ROCK1: variants seen among roughly 807,000 people sequenced by gnomAD.
ROCK1 encodes rho-associated protein kinase 1.
ROCK1 carries 36 observed loss-of-function variants against 196.8 expected under a neutral mutation model. That is an observed-to-expected ratio of 0.18 (90% confidence interval 0.14 to 0.24). The LOEUF (loss-of-function observed/expected upper bound fraction) is 0.24, where lower values mean the gene tolerates loss of function less well. Ranked by LOEUF, ROCK1 falls within the 10% of genes least tolerant of loss-of-function variation. The pLI, the probability that ROCK1 is intolerant of heterozygous loss-of-function variation, is 1.00. For synonymous variants in ROCK1, 443 were observed against 515.9 expected (o/e 0.86, Z 1.91); for missense variants, 920 against 1,562.0 (o/e 0.59, Z 6.93).
intron 12 of ROCK1, among the ~76,000 whole-genome samples, chr18:21,017,145 G>GTATAATTT (rs942160332): frequency 2.1e-5 from 3 of 140,576 alleles, no homozygotes; most frequent in African/African-American, 5.4e-5. Context: ...TGATATTCCT[G>GTATAATTT]TATAATTTTA....
At chr18:21,022,601 C>G (rs1421351838) in intron 11 of ROCK1, among the ~76,000 whole-genome samples, 1 of 152,122 alleles carries the variant, frequency 6.6e-6, no homozygotes, top group African/African-American at 2.4e-5. Context: ...TTTCCCTACA[C>G]CCTTTGTGCT....
At chr18:21,100,165 C>A (rs528056616) in intron 1 of ROCK1, among the ~76,000 whole-genome samples, 374 of 142,268 alleles carry the variant, frequency 2.6e-3, no homozygotes, top group Non-Finnish European at 4.0e-3. Flanking sequence ...AAAAAAAAAA[C>A]CTAAAATGAA....
In ROCK1 at chr18:21,006,450, T is replaced by C. The variant is rs2035769685; in HGVS notation, c.1786A>G (p.Lys596Glu). The C allele has an allele frequency of 1.2e-6, 2 of 1,613,746 alleles. No homozygotes were observed. Among genetic ancestry groups the C allele is most frequent in the Non-Finnish European group, 1.7e-6 (2 of 1,179,884 alleles). The part of the protein sequence containing the change: ...QERNRILENS[K>E]SQTDKDYYQL... ...TAATAATCTTTGTCTGTTTGTGACT[T>C]AGAATTCTCTAAAATTCGATTTCTC... The change falls in exon 16 of 33, where the codon AAG (lysine) becomes GAG (glutamate). Residue 596 changes from lysine to glutamate, a missense_variant. Around this residue, in one of 6 missense-constraint regions of ROCK1, gnomAD observed 520 missense variants for 657.1 expected, o/e 0.79. Transcript: ENST00000399799.
At chr18:21,013,162 G>A (rs977833581) in intron 13 of ROCK1, among the ~76,000 whole-genome samples, 4 of 152,176 alleles carry the variant, frequency 2.6e-5, no homozygotes, top group African/African-American at 4.8e-5. Context: ...TTCTGATTAT[G>A]ATGAGCAGTT....
intron 10 of ROCK1, among the ~76,000 whole-genome samples, chr18:21,024,119 T>C (rs1174505737): frequency 1.3e-5 from 2 of 152,186 alleles, no homozygotes; most frequent in Non-Finnish European, 2.9e-5. Flanking sequence ...TCTGCAGACA[T>C]ATGCATAACC....
At chr18:21,107,758 G>A (rs1157747969) in intron 1 of ROCK1, among the ~76,000 whole-genome samples, 2 of 152,122 alleles carry the variant, frequency 1.3e-5, no homozygotes, top group African/African-American at 2.4e-5. Context: ...GTCTCTAAAG[G>A]AAATTCAGTC....
chr18:21,094,582 G>GA (rs11420525), intron 1 of ROCK1, among the ~76,000 whole-genome samples: 145,974 of 149,216 alleles, frequency 0.98, 71,481 homozygotes, highest in Non-Finnish European at 1. Flanking sequence ...TACAAAAAAA[G>GA]AAAAAAAAAT....
At chr18:21,106,691 A>G (rs2036706115) in intron 1 of ROCK1, among the ~76,000 whole-genome samples, 1 of 152,212 alleles carries the variant, frequency 6.6e-6, no homozygotes, top group South Asian at 2.1e-4. Flanking sequence ...AGGACACTGG[A>G]AAGAATCTGA....
chr18:21,044,164 G>A lies in ROCK1; in HGVS notation c.613C>T (p.Leu205=). 6.2e-7 allele frequency: 1 copy of A among 1,611,590 alleles called. No individual in the cohort carries two copies. The highest frequency in any genetic ancestry group is 8.5e-7 in the Non-Finnish European group (1 of 1,178,858). ...TTCAAATGTCCAGATTTATCCAGCA[G>A]CATGTTATCAGGCTTCACATCTCTG... The part of the protein sequence containing the change: ...IHRDVKPDNM[L]LDKSGHLKLA... Residue 205 remains leucine, a synonymous_variant, in exon 6 of 33, where the codon CTG becomes TTG. Coordinates refer to ENST00000399799, the MANE Select transcript of ROCK1 (RefSeq NM_005406.3).
intron 9 of ROCK1, among the ~76,000 whole-genome samples, chr18:21,033,854 TAAAAAA>T (rs71269004): frequency 1.3e-3 from 43 of 33,458 alleles, no homozygotes; most frequent in South Asian, 0.01. Flanking sequence ...CCGTTTCTAC[TAAAAAA>T]AAAAAAAAAA....
chr18:20,959,139 TTA>T (rs1375524894), intron 29 of ROCK1, among the ~76,000 whole-genome samples: 4 of 62,652 alleles, frequency 6.4e-5, no homozygotes, highest in South Asian at 6.6e-4. Flanking sequence ...ATTATATATA[TTA>T]TATAAAATAT....
At position 20,953,674 on chromosome 18, in the gene ROCK1, G is replaced by A; in HGVS notation, c.3965C>T (p.Ser1322Phe). The stretch of plus-strand genomic sequence containing the variant: ...TCGAGGGGAAGCACGAACAAAACCA[G>A]ATGGTGGATTCTTAGGGATTTTCTT... Reference protein sequence around the residue: ...LVKKIPKNPPSGFVRASPRTL... With the variant: ...LVKKIPKNPPFGFVRASPRTL... The change falls in exon 32 of 33, where the codon TCT becomes TTT. Residue 1322 changes from serine to phenylalanine, a missense_variant. Physicochemically the swap from Ser to Phe is radical, Grantham distance 155. Coordinates refer to ENST00000399799, the MANE Select transcript of ROCK1 (RefSeq NM_005406.3). 2 of 1,610,624 alleles carry A rather than the reference G, an allele frequency of 1.2e-6. No individual in the cohort carries two copies. The highest frequency in any genetic ancestry group is 1.7e-6 in the Non-Finnish European group (2 of 1,179,212).
At chr18:21,107,915 G>A (rs1022948852) in intron 1 of ROCK1, among the ~76,000 whole-genome samples, 1 of 152,044 alleles carries the variant, frequency 6.6e-6, no homozygotes, top group South Asian at 2.1e-4. Context: ...TTAGCCAGGC[G>A]TGGTAGTGCA....
intron 13 of ROCK1, among the ~76,000 whole-genome samples, chr18:21,013,573 G>C (rs73959773): frequency 0.011 from 1,738 of 152,348 alleles, 38 homozygotes; most frequent in African/African-American, 0.039. Flanking sequence ...CTGCCAGCTG[G>C]AAGTGTAAGT....
Position 21,100,587 on chromosome 18 carries a change from A to T in ROCK1, c.93+10231T>A, listed in dbSNP as rs575514575. Among the ~76,000 whole-genome samples the T allele has an allele frequency of 6.8e-3, 971 of 142,670 alleles. 7 individuals are homozygous for T. The highest frequency in any genetic ancestry group is 0.022 in the African/African-American group (878 of 39,542). 93.6% of individuals were successfully genotyped at this position (142,670 alleles called of 152,430 possible). Reference sequence around the variant, plus strand: ...GTGTTTATAATGATGCCAAAAATTTAAAAAAAAAAAAAAGACTGAGAGCGA... The same window carrying T: ...GTGTTTATAATGATGCCAAAAATTTTAAAAAAAAAAAAAGACTGAGAGCGA... On this transcript the variant is annotated intron_variant, in intron 1 of 32. Transcript: ENST00000399799.
At chr18:21,028,346 G>A (rs2035978562) in intron 10 of ROCK1, among the ~76,000 whole-genome samples, 1 of 151,848 alleles carries the variant, frequency 6.6e-6, no homozygotes, top group Admixed American at 6.6e-5. Flanking sequence ...AACCCAGGAG[G>A]TGGAGGTTGC....
intron 22 of ROCK1, among the ~76,000 whole-genome samples, chr18:20,975,481 C>T (rs2035471659): frequency 6.6e-6 from 1 of 152,166 alleles, no homozygotes; most frequent in Admixed American, 6.5e-5. Flanking sequence ...AATACCTATT[C>T]TCATCTCTAT....
intron 1 of ROCK1, among the ~76,000 whole-genome samples, chr18:21,107,633 G>A (rs553436970): frequency 6.6e-6 from 1 of 152,104 alleles, no homozygotes; most frequent in Middle Eastern, 3.2e-3. Context: ...CACCTGATAG[G>A]TCACCCTGAA....
intron 27 of ROCK1, among the ~76,000 whole-genome samples, chr18:20,966,449 G>A (rs1326717217): frequency 6.6e-6 from 1 of 152,132 alleles, no homozygotes; most frequent in African/African-American, 2.4e-5. Flanking sequence ...ACTTAGCAAA[G>A]TCTGACTGAA....
Sources: gnomAD v4.1 joint callset for allele counts (sites outside exome capture counted in the v4.1 genomes callset) on GRCh38, gnomAD v4.1.1 for gene constraint, gnomAD v4.1.1 regional missense constraint, MANE v1.5 for transcripts, NCBI Gene and HGNC (gene_info 2026-07-23, HGNC 2026-07-21) for gene names.